Variants in TRIM48 observed in about 807,000 individuals in gnomAD.
The protein encoded by TRIM48 is E3 ubiquitin-protein ligase TRIM48.
Under a neutral mutation model 29.5 loss-of-function variants are expected in TRIM48, and 31 were observed. The observed-to-expected ratio is 1.05, with a 90% CI of 0.79 to 1.42. TRIM48 has a LOEUF of 1.42. TRIM48 is among the 40% of genes most tolerant of loss of function. The pLI, the probability that TRIM48 is intolerant of heterozygous loss-of-function variation, is 0.00. For synonymous variants in TRIM48, 128 were observed against 90.6 expected (o/e 1.41, Z -2.34); for missense variants, 344 against 265.0 (o/e 1.30, Z -2.07).
rs1476993183 is a variant in TRIM48 at position 55,268,342 on chromosome 11, T to C, written c.556-8T>C. ...TGCACTAAATCTTTCTATTTTTTTTTTTTACAGGCTTTTGGAGACATATTA... is the reference window on the plus strand; with the variant it reads ...TGCACTAAATCTTTCTATTTTTTTTCTTTACAGGCTTTTGGAGACATATTA... On this transcript the variant is annotated splice_polypyrimidine_tract_variant and splice_region_variant and intron_variant, in intron 3 of 5. Coordinates refer to ENST00000417545, the MANE Select transcript of TRIM48 (RefSeq NM_024114.5). 1.3e-6 allele frequency: 2 copies of C among 1,548,204 alleles called. No homozygotes were observed. The highest frequency in any genetic ancestry group is 3.5e-5 in the Admixed American group (2 of 57,060).
rs1857479469 is a variant in TRIM48, at chr11:55,271,058, T to TGGA, written c.*623_*624insGGA. Reference sequence around the variant, plus strand: ...CGGTTTTATGTCTTGAATTGCATTCTAATGTTATTAAAACTCATTTATTGT... The same window carrying TGGA: ...CGGTTTTATGTCTTGAATTGCATTCTGGAAATGTTATTAAAACTCATTTATTGT... On this transcript the variant is annotated 3_prime_UTR_variant, in exon 6 of 6. Coordinates refer to ENST00000417545, the MANE Select transcript of TRIM48 (RefSeq NM_024114.5). 1 of 1,249,090 alleles carries TGGA rather than the reference T, an allele frequency of 8.0e-7. No homozygotes were observed. The highest frequency in any genetic ancestry group is 1.7e-5 in the African/African-American group (1 of 59,070). The allele number at this position is 1,249,090 out of a possible 1,614,324, so 77.4% of individuals were successfully genotyped here.
chr11:55,265,633 GA>G lies in TRIM48; in HGVS notation c.498del (p.Ala167LeufsTer8), dbSNP rs1238976517. 6.3e-7 allele frequency: 1 copy of G among 1,582,130 alleles called. No homozygotes were observed. The highest frequency in any genetic ancestry group is 1.7e-5 in the Admixed American group (1 of 58,222). On this transcript the variant is annotated frameshift_variant, in exon 3 of 6. Transcript: ENST00000417545. LOFTEE classifies it high-confidence loss of function. ...KLLKKMQSLW[E>X]KACENQRNLN... is the part of the protein sequence containing the mutation. ...TTTAAAGAAAATGCAGTCTTTATGG[GA>G]AAAAGCTTGTGAAAATCAGAGAAAC...
intron 1 of TRIM48, among the ~76,000 whole-genome samples, chr11:55,264,178 G>T (rs1034034606): frequency 8.1e-6 from 1 of 123,332 alleles, no homozygotes; most frequent in Non-Finnish European, 1.8e-5. Flanking sequence ...TCAGAGTTTG[G>T]GTATCCCTAG....
At position 55,268,735 on chromosome 11, in the gene TRIM48, T is replaced by C; in HGVS notation, c.578+363T>C. ...GTTGATGATTTGTTGTTCATACCTA[T>C]ACACATATCAGTTAACAGTTCCGAA... On this transcript the variant is annotated intron_variant, in intron 4 of 5. Coordinates refer to ENST00000417545, the MANE Select transcript of TRIM48 (RefSeq NM_024114.5). Among the ~76,000 whole-genome samples, 2 of 147,706 alleles carry C rather than the reference T, an allele frequency of 1.4e-5. 1 individual carries two copies. The highest frequency in any genetic ancestry group is 1.4e-4 in the Admixed American group (2 of 14,546).
At chr11:55,263,453 G>C (rs1857335186) in intron 1 of TRIM48, among the ~76,000 whole-genome samples, 1 of 151,706 alleles carries the variant, frequency 6.6e-6, no homozygotes, top group South Asian at 2.1e-4. Flanking sequence ...GGGAGTTCAA[G>C]TCCAGCCTGG....
chr11:55,270,092 A>G (rs1247953763), intron 5 of TRIM48, among the ~76,000 whole-genome samples: 2 of 148,404 alleles, frequency 1.3e-5, no homozygotes, highest in African/African-American at 2.5e-5. Flanking sequence ...TTTAAGAATA[A>G]GAAACATTTC....
intron 3 of TRIM48, chr11:55,267,710 C>T (rs2120111773): frequency 6.5e-7 from 1 of 1,529,222 alleles, no homozygotes; most frequent in Admixed American, 1.9e-5. Context: ...TGGCTGAAAT[C>T]CATCTCCCTA....
rs550799758 is a variant in TRIM48 at position 55,267,592 on chromosome 11, C to T, written c.556-758C>T. ...GGGAGATTTTTAAGAGGAATGTAAG[C>T]GGAGCTGATGAAAATGTGCCATAAA... On this transcript the variant is annotated intron_variant, in intron 3 of 5. Coordinates refer to ENST00000417545, the MANE Select transcript of TRIM48 (RefSeq NM_024114.5). 1,653 of 1,562,146 alleles carry T rather than the reference C, an allele frequency of 1.1e-3. 120 individuals are homozygous for T. Among genetic ancestry groups the T allele is most frequent in the South Asian group, 6.5e-4 (54 of 83,018 alleles).
Position 55,265,710 on chromosome 11 carries a change from A to T in TRIM48, c.555+15A>T, listed in dbSNP as rs779450234. 1 of 1,572,258 alleles carries T rather than the reference A, an allele frequency of 6.4e-7. No homozygotes were observed. The highest frequency in any genetic ancestry group is 1.2e-5 in the South Asian group (1 of 83,028). ...GCCACTGGAAGGTTAGTCCTGTAAT[A>T]CCCTACCTTCTCCAGGAACTTATGG... On this transcript the variant is annotated intron_variant, in intron 3 of 5. Transcript: ENST00000417545.
chr11:55,270,841 T>C lies in TRIM48; in HGVS notation c.*406T>C. The C allele has an allele frequency of 6.4e-7, 1 of 1,571,646 alleles. No individual in the cohort carries two copies. The highest frequency in any genetic ancestry group is 2.4e-5 in the East Asian group (1 of 41,236). On this transcript the variant is annotated 3_prime_UTR_variant, in exon 6 of 6. Coordinates refer to ENST00000417545, the MANE Select transcript of TRIM48 (RefSeq NM_024114.5). Reference sequence around the variant, plus strand: ...GGATTGTGAAGCTAGAACTGTGAGCTTCGTTGATGTTAGTCAAAGCTCCCC... The same window carrying C: ...GGATTGTGAAGCTAGAACTGTGAGCCTCGTTGATGTTAGTCAAAGCTCCCC...
At position 55,269,299 on chromosome 11, in the gene TRIM48, G is replaced by A. The variant is rs369412991; in HGVS notation, c.636G>A (p.Gly212=). Residue 212 remains glycine (G), a synonymous_variant, in exon 5 of 6, where the codon GGG becomes GGA. Coordinates refer to ENST00000417545, the MANE Select transcript of TRIM48 (RefSeq NM_024114.5). ...PQPLNLALRA[G]PITGLRDRLN... ...CTCTGAATCTAGCGCTCAGGGCAGG[G>A]CCCATCACTGGACTGAGGGACAGGC... is the stretch of plus-strand genomic sequence containing the variant. 2.1e-5 allele frequency: 33 copies of A among 1,575,958 alleles called. 2 individuals carry two copies. Among genetic ancestry groups the A allele is most frequent in the Admixed American group, 1.7e-5 (1 of 58,520 alleles).
In TRIM48 at chr11:55,262,289, G is replaced by A. The variant is rs1857314314; in HGVS notation, c.22G>A (p.Gly8Arg). ...AATTATGTCTCGAAGAATCATTGTG[G>A]GAACCCTTCAAAGAACCCAGCGGTG... MSRRIIV[G>R]TLQRTQRNMN... Residue 8 changes from glycine (G) to arginine (R), a missense_variant, in exon 1 of 6, where the codon GGA (glycine) becomes AGA (arginine). Gly to Arg is a moderately radical substitution (Grantham distance 125, BLOSUM62 -2). Coordinates refer to ENST00000417545, the MANE Select transcript of TRIM48 (RefSeq NM_024114.5). The A allele has an allele frequency of 5.2e-6, 8 of 1,548,618 alleles. No homozygotes were observed. Among genetic ancestry groups the A allele is most frequent in the Non-Finnish European group, 7.0e-6 (8 of 1,146,206 alleles).
At chr11:55,268,472 A>G (rs1857427072) in intron 4 of TRIM48, 100 bp downstream of exon 4, 1 of 1,236,954 alleles carries the variant, frequency 8.1e-7, no homozygotes, top group South Asian at 1.5e-5. Flanking sequence ...AGATATTGAT[A>G]CTATTTTTTT....
At chr11:55,267,627 G>T in intron 3 of TRIM48, 1 of 1,562,058 alleles carries the variant, frequency 6.4e-7, no homozygotes, top group African/African-American at 1.4e-5. Flanking sequence ...ACCACATGTG[G>T]AGCTACTTCA....
chr11:55,263,045 C>T (rs1053284502), intron 1 of TRIM48, among the ~76,000 whole-genome samples: 2 of 152,036 alleles, frequency 1.3e-5, no homozygotes, highest in Non-Finnish European at 2.9e-5. Context: ...AGTCAGGGCT[C>T]TCCAGACAGA....
Position 55,270,757 on chromosome 11 carries a change from A to G in TRIM48, c.*322A>G, listed in dbSNP as rs1857472024. 6.4e-7 allele frequency: 1 copy of G among 1,567,116 alleles called. No individual in the cohort carries two copies. The highest frequency in any genetic ancestry group is 1.4e-5 in the African/African-American group (1 of 72,880). On this transcript the variant is annotated 3_prime_UTR_variant, in exon 6 of 6. Coordinates refer to ENST00000417545, the MANE Select transcript of TRIM48 (RefSeq NM_024114.5). ...CGACATTCAGTGCAGTCTCTTTACC[A>G]CCTCCCCAATTACACTGCAGTATGT...
intron 1 of TRIM48, among the ~76,000 whole-genome samples, chr11:55,262,906 A>G (rs553050253): frequency 6.6e-6 from 1 of 152,296 alleles, no homozygotes; most frequent in South Asian, 2.1e-4. Flanking sequence ...ACAATGACTT[A>G]GATGACCTCT....
Position 55,264,993 on chromosome 11 carries a change from T to C in TRIM48, c.138T>C (p.Cys46=). The change falls in exon 2 of 6, where the codon TGT becomes TGC. Residue 46 remains cysteine, a synonymous_variant. Coordinates refer to ENST00000417545, the MANE Select transcript of TRIM48 (RefSeq NM_024114.5). The part of the protein sequence containing the change: ...NYFIDPVTID[C]GHSFCRPCFY... ...TCATAGACCCGGTCACCATAGACTGTGGGCACAGCTTTTGCAGGCCCTGTT... is the reference window on the plus strand; with the variant it reads ...TCATAGACCCGGTCACCATAGACTGCGGGCACAGCTTTTGCAGGCCCTGTT... 6.3e-7 allele frequency: 1 copy of C among 1,584,716 alleles called. No homozygotes were observed. Among genetic ancestry groups the C allele is most frequent in the Non-Finnish European group, 8.6e-7 (1 of 1,166,448 alleles).
chr11:55,269,035 C>T (rs1857435844), intron 4 of TRIM48, among the ~76,000 whole-genome samples: 1 of 148,282 alleles, frequency 6.7e-6, no homozygotes, highest in South Asian at 2.4e-4. Flanking sequence ...TAAGAAACAT[C>T]AGACTGAATT....
Sources: allele counts gnomAD v4.1 joint callset (sites outside exome capture counted in the v4.1 genomes callset), GRCh38; gene constraint gnomAD v4.1.1; transcripts MANE v1.5; gene names NCBI Gene and HGNC (gene_info 2026-07-23, HGNC 2026-07-21).